The following CLASP1 variants were observed in gnomAD, a reference collection of about 807,000 sequenced individuals.
CLASP1 encodes CLIP-associating protein 1.
Under a neutral mutation model 192.3 loss-of-function variants are expected in CLASP1, and 38 were observed. The ratio of observed to expected loss-of-function variants is 0.20; its 90% confidence interval spans 0.15 to 0.26. The LOEUF (loss-of-function observed/expected upper bound fraction) is 0.26. Ranked by LOEUF, CLASP1 falls within the 10% of genes least tolerant of loss-of-function variation. The probability of loss-of-function intolerance (pLI) is 1.00; values close to 1 mark genes in which losing one functional copy is unlikely to be tolerated. For missense variants in CLASP1, 1,433 were observed against 1,932.5 expected (o/e 0.74, Z 4.85); for synonymous variants, 691 against 712.8 (o/e 0.97, Z 0.49).
intron 8 of CLASP1, among the ~76,000 whole-genome samples, chr2:121,481,907 T>C (rs1032287488): frequency 2.0e-5 from 3 of 152,176 alleles, no homozygotes; most frequent in African/African-American, 7.2e-5. Flanking sequence ...CAGTCCAACG[T>C]GGGAACACAC....
In CLASP1 at chr2:121,346,037, C is replaced by T. The variant is rs531501951; in HGVS notation, c.4530+1001G>A. On this transcript the variant is annotated intron_variant, in intron 39 of 39. Transcript: ENST00000263710. ...TCCCCAGAACTCTGGAGAAACAAGG[C>T]TCTGGCTGTTAATGCTCACCAGCTG... Among the ~76,000 whole-genome samples the T allele has an allele frequency of 3.3e-5, 5 of 152,348 alleles. No homozygotes were observed. The South Asian group carries it at 8.3e-4, about 25-fold the overall frequency.
chr2:121,568,303 G>C (rs139185669), intron 2 of CLASP1, among the ~76,000 whole-genome samples: 173 of 152,082 alleles, frequency 1.1e-3, no homozygotes, highest in African/African-American at 4.1e-3. Context: ...CGGAACCCTG[G>C]GGGCAATTGT....
chr2:121,347,517 C>A (rs1160986423), intron 38 of CLASP1, among the ~76,000 whole-genome samples: 1 of 152,204 alleles, frequency 6.6e-6, no homozygotes, highest in Non-Finnish European at 1.5e-5. Flanking sequence ...ATTCCCATTT[C>A]TCCCAAAGGT....
chr2:121,458,852 C>T lies in CLASP1; in HGVS notation c.1302G>A (p.Arg434=), dbSNP rs368563172. 86 of 1,607,540 alleles carry T rather than the reference C, an allele frequency of 5.3e-5. 1 individual carries two copies. The Middle Eastern group carries it at 1.2e-3, about 22-fold the overall frequency. The stretch of plus-strand genomic sequence containing the variant: ...ATAACATACTTACCCGAATAATTAA[C>T]CTAACAGCTACAACACCAGATGTGG... Residue 434 remains arginine (R), a synonymous_variant, in exon 13 of 40, where the codon AGG becomes AGA. Coordinates refer to ENST00000263710, the Ensembl canonical transcript of CLASP1.
In CLASP1 at chr2:121,632,965, G is replaced by GGTGT. The variant is rs71398037; in HGVS notation, c.-286+16403_-286+16406dup. On this transcript the variant is annotated intron_variant, in intron 1 of 39. Transcript: ENST00000263710. Reference sequence around the variant, plus strand: ...CACGAACTGTACAAAAACAGAGGGAGGTGTGTGTGTGTGTGTGTGTGTATA... The same window carrying GGTGT: ...CACGAACTGTACAAAAACAGAGGGAGGTGTGTGTGTGTGTGTGTGTGTGTGTATA... 4.8e-3 allele frequency among the ~76,000 whole-genome samples: 662 copies of GGTGT among 137,820 alleles called. 13 individuals carry two copies. Among genetic ancestry groups the GGTGT allele is most frequent in the African/African-American group, 0.018 (636 of 34,460 alleles). The allele number at this position is 137,820 out of a possible 152,430, so 90.4% of individuals were successfully genotyped here.
At chr2:121,527,806 G>T (rs751604073) in exon 5 of CLASP1, 2 of 1,612,202 alleles carry the variant, frequency 1.2e-6, no homozygotes, top group South Asian at 2.2e-5. Context: ...TACGCATTGA[G>T]TGTTGCTATA....
At chr2:121,448,213 T>G in intron 18 of CLASP1, 63 bp downstream of exon 18, 1 of 1,437,336 alleles carries the variant, frequency 7.0e-7, no homozygotes, top group Non-Finnish European at 9.8e-7. Context: ...GGCAGCCTCT[T>G]GCAGCTGCAC....
chr2:121,355,284 G>A (rs1253901442), intron 37 of CLASP1, among the ~76,000 whole-genome samples: 3 of 152,048 alleles, frequency 2.0e-5, no homozygotes, highest in Non-Finnish European at 4.4e-5. Context: ...ACACCACCAC[G>A]CCTAGCTAAT....
intron 4 of CLASP1, 97 bp downstream of exon 4, chr2:121,528,580 T>C (rs2094644934): frequency 2.2e-6 from 2 of 894,760 alleles, no homozygotes; most frequent in Admixed American, 1.7e-5. Context: ...CTTAAGTCTA[T>C]GGAGTCACAC....
chr2:121,539,975 G>C (rs1410690957), intron 2 of CLASP1, among the ~76,000 whole-genome samples: 1 of 152,192 alleles, frequency 6.6e-6, no homozygotes, highest in Non-Finnish European at 1.5e-5. Flanking sequence ...CAAGGGTGTG[G>C]TACCACAGAA....
At chr2:121,488,212 C>G (rs779648754) in intron 8 of CLASP1, among the ~76,000 whole-genome samples, 3 of 152,054 alleles carry the variant, frequency 2.0e-5, no homozygotes, top group Non-Finnish European at 4.4e-5. Context: ...CTTAGAATAC[C>G]TTTCCATATC....
chr2:121,388,284 C>G (rs1574181970), intron 30 of CLASP1, among the ~76,000 whole-genome samples: 1 of 152,324 alleles, frequency 6.6e-6, no homozygotes, highest in East Asian at 1.9e-4. Context: ...GAACAGGGAT[C>G]TCAGTACACC....
At chr2:121,361,524 C>A (rs1032603922) in intron 37 of CLASP1, among the ~76,000 whole-genome samples, 1 of 152,182 alleles carries the variant, frequency 6.6e-6, no homozygotes, top group African/African-American at 2.4e-5. Flanking sequence ...TTGTCCAACC[C>A]GTGGCCCAGG....
At chr2:121,609,903 C>T (rs1001966449) in intron 1 of CLASP1, among the ~76,000 whole-genome samples, 1 of 152,188 alleles carries the variant, frequency 6.6e-6, no homozygotes, top group African/African-American at 2.4e-5. Flanking sequence ...CACGCCACTG[C>T]ACTCCAGCCT....
intron 1 of CLASP1, among the ~76,000 whole-genome samples, chr2:121,627,506 T>C (rs2068607946): frequency 6.6e-6 from 1 of 152,214 alleles, no homozygotes; most frequent in Non-Finnish European, 1.5e-5. Flanking sequence ...ACTTTTCCAA[T>C]TCCTTAGGAA....
intron 39 of CLASP1, among the ~76,000 whole-genome samples, chr2:121,345,188 G>A (rs2063299305): frequency 6.6e-6 from 1 of 152,138 alleles, no homozygotes; most frequent in African/African-American, 2.4e-5. Flanking sequence ...GATGAACTGG[G>A]CTACGAAAGC....
At chr2:121,530,353 TAGC>T in intron 2 of CLASP1, 28 bp from the exon 3 acceptor site, 1 of 1,532,806 alleles carries the variant, frequency 6.5e-7, no homozygotes, top group Non-Finnish European at 8.8e-7. Context: ...GGGAGCCTGT[TAGC>T]AGCCGGCCTG....
intron 8 of CLASP1, among the ~76,000 whole-genome samples, chr2:121,480,858 T>C (rs2092542530): frequency 6.6e-6 from 1 of 152,166 alleles, no homozygotes; most frequent in Admixed American, 6.5e-5. Flanking sequence ...GCTATGCAGG[T>C]ACAAGCCTGG....
chr2:121,466,005 T>C (rs564092910), intron 9 of CLASP1, among the ~76,000 whole-genome samples: 44 of 152,172 alleles, frequency 2.9e-4, no homozygotes, highest in Non-Finnish European at 5.4e-4. Flanking sequence ...CCTTACACCT[T>C]ATACAAAAAT....
Sources: allele counts gnomAD v4.1 joint callset (sites outside exome capture counted in the v4.1 genomes callset), GRCh38; gene constraint gnomAD v4.1.1; transcripts MANE v1.5; gene names NCBI Gene and HGNC (gene_info 2026-07-23, HGNC 2026-07-21).